LHFPL3: variants seen among roughly 807,000 people sequenced by gnomAD.
The protein encoded by LHFPL3 is LHFPL tetraspan subfamily member 3, also known as LHFPL tetraspan subfamily member 3 protein.
Under a neutral mutation model 19.3 loss-of-function variants are expected in LHFPL3, and 5 were observed. That is an observed-to-expected ratio of 0.26 (90% CI 0.14 to 0.54). LHFPL3 has a LOEUF of 0.54. Among genes scored for constraint, LHFPL3 ranks in the 20% least tolerant of loss-of-function variants. The pLI is 0.94. For missense variants in LHFPL3, 249 were observed against 307.4 expected, an observed-to-expected ratio of 0.81 and a Z score of 1.42; for synonymous variants, 133 against 126.2, an observed-to-expected ratio of 1.05 and a Z score of -0.36.
intron 1 of LHFPL3, among the ~76,000 whole-genome samples, chr7:104,616,062 C>T (rs949090236): frequency 2.0e-5 from 3 of 152,072 alleles, no homozygotes; most frequent in African/African-American, 7.2e-5. Flanking sequence ...GCCATACTGC[C>T]CAAAGTAATT....
chr7:104,335,778 G>A (rs1454807240), intron 1 of LHFPL3, among the ~76,000 whole-genome samples: 1 of 149,768 alleles, frequency 6.7e-6, no homozygotes, highest in Non-Finnish European at 1.5e-5. Context: ...TACCACTCAG[G>A]AAAGAGGATC....
intron 2 of LHFPL3, among the ~76,000 whole-genome samples, chr7:104,903,808 A>G (rs1370486907): frequency 6.6e-6 from 1 of 152,118 alleles, no homozygotes; most frequent in Non-Finnish European, 1.5e-5. Context: ...TATATGTACC[A>G]CATTTTCTTT....
chr7:104,555,259 T>A (rs1023124893), intron 1 of LHFPL3, among the ~76,000 whole-genome samples: 1 of 152,208 alleles, frequency 6.6e-6, no homozygotes. Context: ...TTAGCCCTCA[T>A]TAATGGGATT....
rs982250292 is a variant in LHFPL3, at chr7:104,709,620, A to G, written c.446-27055A>G. ...AGTACAGAACAAAATGGAGTCTCCC[A>G]TGTCTACTTCTTTCTACACAGACAC... On this transcript the variant is annotated intron_variant, in intron 1 of 2. Coordinates refer to ENST00000424859, the MANE Select transcript of LHFPL3 (RefSeq NM_199000.3). 4.0e-4 allele frequency among the ~76,000 whole-genome samples: 60 copies of G among 151,238 alleles called. 1 individual carries two copies. The highest frequency in any genetic ancestry group is 2.8e-3 in the Admixed American group (42 of 15,094).
chr7:104,459,277 A>T (rs1792611395), intron 1 of LHFPL3, among the ~76,000 whole-genome samples: 1 of 152,180 alleles, frequency 6.6e-6, no homozygotes, highest in Non-Finnish European at 1.5e-5. Context: ...TCAACTCCAC[A>T]TTTAAGTATC....
At chr7:104,511,279 C>T (rs1285308706) in intron 1 of LHFPL3, among the ~76,000 whole-genome samples, 3 of 152,060 alleles carry the variant, frequency 2.0e-5, no homozygotes, top group South Asian at 2.1e-4. Context: ...AGACACCTAT[C>T]GGAATAACTA....
chr7:104,897,906 G>A (rs757067010), intron 2 of LHFPL3, among the ~76,000 whole-genome samples: 3 of 146,526 alleles, frequency 2.0e-5, no homozygotes, highest in Non-Finnish European at 4.5e-5. Flanking sequence ...AAAGGTAGTA[G>A]AAAAAGAAAA....
At chr7:104,730,596 G>GT (rs143537001) in intron 1 of LHFPL3, among the ~76,000 whole-genome samples, 46,313 of 151,800 alleles carry the variant, frequency 0.31, 7,992 homozygotes, top group East Asian at 0.77. Context: ...GGGGTTGTTT[G>GT]TTTTTTTCTT....
chr7:104,598,648 C>A (rs573353546), intron 1 of LHFPL3, among the ~76,000 whole-genome samples: 1 of 152,154 alleles, frequency 6.6e-6, no homozygotes, highest in Non-Finnish European at 1.5e-5. Flanking sequence ...AAAGCTTTAG[C>A]AGAAAAACAC....
At chr7:104,490,009 A>G (rs1222199261) in intron 1 of LHFPL3, among the ~76,000 whole-genome samples, 1 of 152,088 alleles carries the variant, frequency 6.6e-6, no homozygotes, top group African/African-American at 2.4e-5. Flanking sequence ...ATGCACACCA[A>G]CCATCCAACA....
intron 1 of LHFPL3, among the ~76,000 whole-genome samples, chr7:104,720,660 T>C (rs1438252388): frequency 6.6e-6 from 1 of 152,040 alleles, no homozygotes; most frequent in Non-Finnish European, 1.5e-5. Context: ...AGGGCTAATA[T>C]ACAGAATCTA....
chr7:104,519,928 G>A (rs528200293), intron 1 of LHFPL3, among the ~76,000 whole-genome samples: 6 of 151,780 alleles, frequency 4.0e-5, no homozygotes, highest in Non-Finnish European at 8.8e-5. Flanking sequence ...CCTATTTCTC[G>A]GGACTTCTGC....
intron 1 of LHFPL3, among the ~76,000 whole-genome samples, chr7:104,427,047 A>G (rs962267625): frequency 1.3e-5 from 2 of 152,250 alleles, no homozygotes; most frequent in African/African-American, 4.8e-5. Context: ...GTTGCATTCT[A>G]GGTACTGCGC....
At chr7:104,848,893 T>C (rs1228269402) in intron 2 of LHFPL3, among the ~76,000 whole-genome samples, 2 of 151,788 alleles carry the variant, frequency 1.3e-5, no homozygotes, top group Non-Finnish European at 2.9e-5. Flanking sequence ...CTTTTTTTGT[T>C]TTTTTGGTTT....
intron 1 of LHFPL3, among the ~76,000 whole-genome samples, chr7:104,530,177 G>T (rs1300181712): frequency 2.0e-5 from 3 of 152,192 alleles, no homozygotes; most frequent in Non-Finnish European, 4.4e-5. Flanking sequence ...GCAACTCAGA[G>T]ATTTCTACTT....
intron 1 of LHFPL3, among the ~76,000 whole-genome samples, chr7:104,366,342 T>C (rs969862253): frequency 1.3e-5 from 2 of 152,188 alleles, no homozygotes; most frequent in African/African-American, 2.4e-5. Flanking sequence ...TTTATTAGGA[T>C]AGGGCCAAAG....
At chr7:104,755,537 G>C (rs1003986378) in intron 2 of LHFPL3, among the ~76,000 whole-genome samples, 12 of 151,596 alleles carry the variant, frequency 7.9e-5, no homozygotes, top group Non-Finnish European at 1.5e-4. Context: ...CTGTCTGTCT[G>C]TCTCTCTCTC....
intron 1 of LHFPL3, among the ~76,000 whole-genome samples, chr7:104,589,372 T>G (rs1336720518): frequency 6.6e-6 from 1 of 152,224 alleles, no homozygotes; most frequent in Admixed American, 6.6e-5. Context: ...GAGATAATCA[T>G]GTGGTTTTTG....
intron 1 of LHFPL3, among the ~76,000 whole-genome samples, chr7:104,350,287 G>T (rs1053246467): frequency 6.6e-6 from 1 of 152,164 alleles, no homozygotes; most frequent in African/African-American, 2.4e-5. Flanking sequence ...TGGGAGTGTA[G>T]AACAGAATGT....
Sources: gnomAD v4.1 joint callset for allele counts (sites outside exome capture counted in the v4.1 genomes callset) on GRCh38, gnomAD v4.1.1 for gene constraint, MANE v1.5 for transcripts, NCBI Gene and HGNC (gene_info 2026-07-23, HGNC 2026-07-21) for gene names.